Variants in CALM2 observed in about 807,000 individuals in gnomAD.
CALM2 encodes the protein calmodulin 2.
A neutral mutation model predicts 19.8 loss-of-function variants in CALM2; 2 were observed. The ratio of observed to expected loss-of-function variants is 0.10; its 90% CI spans 0.04 to 0.32. The LOEUF is 0.32. Ranked by LOEUF, CALM2 falls within the 10% of genes least tolerant of loss-of-function variation. CALM2 has a pLI of 1.00. For missense variants in CALM2, 38 were observed against 178.7 expected (o/e 0.21, Z 4.49); for synonymous variants, 51 against 52.1 (o/e 0.98, Z 0.09).
chr2:47,176,825 TG>T (rs1311696012), upstream of CALM2: 11 of 985,320 alleles, frequency 1.1e-5, no homozygotes, highest in Admixed American at 6.1e-5. Context: ...TCGTTGAGCC[TG>T]CCTCTGATTG....
chr2:47,162,255 C>T (rs1253198211), intron 4 of CALM2, 31 bp downstream of exon 4: 2 of 1,212,908 alleles, frequency 1.6e-6, no homozygotes, highest in Admixed American at 2.5e-5. Context: ...ATTTCATCCT[C>T]AAAATTTAAC....
chr2:47,160,535 G>C lies in CALM2; in HGVS notation c.*241C>G, dbSNP rs1687123422. 2 of 368,822 alleles carry C rather than the reference G, an allele frequency of 5.4e-6. No homozygotes were observed. Among genetic ancestry groups the C allele is most frequent in the Admixed American group, 9.3e-5 (2 of 21,522 alleles). The allele number at this position is 368,822 out of a possible 1,614,324, so 22.8% of individuals were successfully genotyped here. ...TCCATCTAAGTTTAGATGTGCAGAA[G>C]GGCTTAGATATATCCAGAGTAAGCC... On this transcript the variant is annotated 3_prime_UTR_variant, in exon 6 of 6. Transcript: ENST00000272298.
rs1262045477 is a variant in CALM2 at position 47,162,358 on chromosome 2, T to C, written c.213A>G (p.Thr71=). The C allele has an allele frequency of 2.5e-6, 4 of 1,612,430 alleles. No homozygotes were observed. In the South Asian group the frequency reaches 3.3e-5, roughly 13 times the overall value. The change falls in exon 4 of 6, where the codon ACA becomes ACG. Residue 71 remains threonine (T), a synonymous_variant. Coordinates refer to ENST00000272298, the MANE Select transcript of CALM2 (RefSeq NM_001743.6). ...TGTCTTTCATTTTTCTTGCCATCATTGTCAGAAATTCAGGGAAGTCAATTG... is the reference window on the plus strand; with the variant it reads ...TGTCTTTCATTTTTCTTGCCATCATCGTCAGAAATTCAGGGAAGTCAATTG... ...NGTIDFPEFL[T]MMARKMKDTD...
intron 5 of CALM2, 24 bp downstream of exon 5, chr2:47,161,699 G>A: frequency 6.3e-7 from 1 of 1,592,266 alleles, no homozygotes; most frequent in Non-Finnish European, 8.5e-7. Flanking sequence ...AGTGAAGAAT[G>A]AGGCGTGAGA....
intron 4 of CALM2, 131 bp from the exon 5 acceptor site, chr2:47,161,989 C>A: frequency 1.3e-6 from 1 of 746,698 alleles, no homozygotes; most frequent in Non-Finnish European, 2.2e-6. Flanking sequence ...CAAATCTACA[C>A]AGTTGACCTA....
chr2:47,176,470 C>G lies in CALM2; in HGVS notation c.-27G>C. On this transcript the variant is annotated 5_prime_UTR_variant, in exon 1 of 6. Coordinates refer to ENST00000272298, the MANE Select transcript of CALM2 (RefSeq NM_001743.6). ...CTGCAAGCGCTACCGGTTTCCGAGACGCGACCACACAACCACTCAGCTCGC... is the reference window on the plus strand; with the variant it reads ...CTGCAAGCGCTACCGGTTTCCGAGAGGCGACCACACAACCACTCAGCTCGC... The G allele has an allele frequency of 1.9e-6, 3 of 1,613,824 alleles. No homozygotes were observed. Among genetic ancestry groups the G allele is most frequent in the Non-Finnish European group, 2.5e-6 (3 of 1,179,978 alleles).
intron 5 of CALM2, 98 bp downstream of exon 5, chr2:47,161,625 T>G (rs201028012): frequency 1.8e-6 from 2 of 1,105,564 alleles, no homozygotes; most frequent in Non-Finnish European, 2.6e-6. Context: ...CAACCTAATT[T>G]CAGGGGAAGG....
intron 2 of CALM2, among the ~76,000 whole-genome samples, chr2:47,165,875 A>C (rs756265130): frequency 2.0e-5 from 3 of 152,224 alleles, no homozygotes; most frequent in Non-Finnish European, 4.4e-5. Flanking sequence ...GAAATCTGTC[A>C]ACAGGTCTCG....
chr2:47,169,776 A>G (rs1013642045), intron 2 of CALM2, among the ~76,000 whole-genome samples: 1 of 152,176 alleles, frequency 6.6e-6, no homozygotes, highest in African/African-American at 2.4e-5. Flanking sequence ...TAAATGGGCT[A>G]TATAGTTCCA....
At chr2:47,171,343 T>A (rs1185116320) in intron 1 of CALM2, 4 of 152,534 alleles carry the variant, frequency 2.6e-5, no homozygotes, top group African/African-American at 7.2e-5. Flanking sequence ...AGGCTTGTGA[T>A]GTTTTTTTAA....
chr2:47,163,457 A>G, intron 2 of CALM2: 1 of 147,698 alleles, frequency 6.8e-6, no homozygotes, highest in African/African-American at 2.5e-5. Context: ...TTTGAGATGG[A>G]CTTTCGCTCT....
chr2:47,173,916 G>A (rs1285605646), intron 1 of CALM2: 30 of 152,152 alleles, frequency 2.0e-4, no homozygotes, highest in Admixed American at 2.0e-3. Context: ...AAAGATCACT[G>A]GAACAAAATG....
intron 1 of CALM2, chr2:47,176,185 C>A (rs941400798): frequency 1.9e-6 from 1 of 520,022 alleles, no homozygotes; most frequent in Non-Finnish European, 3.4e-6. Flanking sequence ...CCAGCCAAGC[C>A]CCCGAGGAGC....
chr2:47,174,054 G>T (rs776762680), intron 1 of CALM2: 5 of 152,142 alleles, frequency 3.3e-5, no homozygotes, highest in Non-Finnish European at 5.9e-5. Flanking sequence ...GCACTTATAA[G>T]AACAATTATT....
chr2:47,172,560 C>G, intron 1 of CALM2: 2 of 836,150 alleles, frequency 2.4e-6, no homozygotes, highest in Admixed American at 3.3e-5. Flanking sequence ...CGAATGTAGA[C>G]ATGCATGGCA....
At chr2:47,169,283 A>C (rs968274316) in intron 2 of CALM2, among the ~76,000 whole-genome samples, 3 of 152,056 alleles carry the variant, frequency 2.0e-5, no homozygotes, top group Non-Finnish European at 4.4e-5. Context: ...TGGGAAGGAG[A>C]CAGTATATTT....
At chr2:47,174,914 A>C (rs1183520241) in intron 1 of CALM2, among the ~76,000 whole-genome samples, 2 of 152,098 alleles carry the variant, frequency 1.3e-5, no homozygotes, top group Non-Finnish European at 2.9e-5. Context: ...AGTTTTATTT[A>C]AGGTGAAATC....
Position 47,161,868 on chromosome 2 carries a change from A to C in CALM2, c.286-10T>G. 1.2e-6 allele frequency: 2 copies of C among 1,601,830 alleles called. No individual in the cohort carries two copies. Among genetic ancestry groups the C allele is most frequent in the African/African-American group, 1.3e-5 (1 of 74,388 alleles). On this transcript the variant is annotated splice_polypyrimidine_tract_variant and intron_variant, in intron 4 of 5. Coordinates refer to ENST00000272298, the MANE Select transcript of CALM2 (RefSeq NM_001743.6). ...TATAGCCATTGCCATCCTAGCAAAAAATTTAGTATAGTTTCTGAGTCAAAT... is the reference window on the plus strand; with the variant it reads ...TATAGCCATTGCCATCCTAGCAAAACATTTAGTATAGTTTCTGAGTCAAAT...
intron 2 of CALM2, chr2:47,163,818 T>C (rs1438866687): frequency 6.6e-6 from 1 of 152,322 alleles, no homozygotes; most frequent in African/African-American, 2.4e-5. Context: ...ATTCACCATT[T>C]ACAGATAAAC....
Sources: gnomAD v4.1 joint callset for allele counts (sites outside exome capture counted in the v4.1 genomes callset) on GRCh38, gnomAD v4.1.1 for gene constraint, MANE v1.5 for transcripts, NCBI Gene and HGNC (gene_info 2026-07-23, HGNC 2026-07-21) for gene names.